The following KCNJ6 variants were observed in gnomAD, a reference collection of about 807,000 sequenced individuals.
KCNJ6 encodes G protein-activated inward rectifier potassium channel 2.
KCNJ6 carries 9 observed loss-of-function variants against 34.2 expected under a neutral mutation model. The ratio of observed to expected loss-of-function variants is 0.26; its 90% CI spans 0.16 to 0.46. The LOEUF is 0.46. KCNJ6 is among the 20% of genes least tolerant of loss of function. The probability of loss-of-function intolerance (pLI) is 1.00; values close to 1 mark genes in which losing one functional copy is unlikely to be tolerated. For synonymous variants in KCNJ6, 196 were observed against 207.1 expected, an observed-to-expected ratio of 0.95 and a Z score of 0.46; for missense variants, 236 against 531.3, an observed-to-expected ratio of 0.44 and a Z score of 5.46.
intron 1 of KCNJ6, among the ~76,000 whole-genome samples, chr21:37,883,411 T>G (rs1043111070): frequency 7.2e-5 from 11 of 152,168 alleles, no homozygotes; most frequent in African/African-American, 2.7e-4. Context: ...AGATTACCCC[T>G]TTTAGCCCCA....
chr21:37,643,141 C>G (rs1156719144), intron 3 of KCNJ6, among the ~76,000 whole-genome samples: 1 of 152,166 alleles, frequency 6.6e-6, no homozygotes, highest in African/African-American at 2.4e-5. Context: ...TTTCATGGAT[C>G]TATGGGCTCC....
chr21:37,667,124 G>A (rs993417638), intron 3 of KCNJ6, among the ~76,000 whole-genome samples: 4 of 110,902 alleles, frequency 3.6e-5, no homozygotes, highest in Admixed American at 1.2e-4. Context: ...CCCCCTCTCC[G>A]AGAAACACCC....
Position 37,714,113 on chromosome 21 carries a change from A to C in KCNJ6, c.946+98T>G. On this transcript the variant is annotated intron_variant, in intron 3 of 3. Transcript: ENST00000609713. The surrounding 1 kb of genome is among the most constrained non-coding windows in gnomAD (Gnocchi z 5.9). The stretch of plus-strand genomic sequence containing the variant: ...AAGGGGATGTTGTCAATATTGAGTG[A>C]GGTTCAGTATTCTAGATCTTGTAAT... 2 of 843,704 alleles carry C rather than the reference A, an allele frequency of 2.4e-6. No homozygotes were observed. Among genetic ancestry groups the C allele is most frequent in the African/African-American group, 3.4e-5 (2 of 59,060 alleles). 52.3% of individuals were successfully genotyped at this position (843,704 alleles called of 1,614,324 possible). A position where few individuals can be genotyped will look rare whatever the true frequency, so the allele number is the denominator to read the frequency against.
At chr21:37,666,449 A>C (rs1353915602) in intron 3 of KCNJ6, among the ~76,000 whole-genome samples, 1 of 152,006 alleles carries the variant, frequency 6.6e-6, no homozygotes, top group Non-Finnish European at 1.5e-5. Flanking sequence ...TCAGCAAGTC[A>C]CCTTGCCTCT....
At chr21:37,809,490 C>T (rs1377020985) in intron 2 of KCNJ6, among the ~76,000 whole-genome samples, 1 of 151,742 alleles carries the variant, frequency 6.6e-6, no homozygotes, top group Non-Finnish European at 1.5e-5. Context: ...CAAACCTGCA[C>T]ATTGTGCACA....
intron 3 of KCNJ6, among the ~76,000 whole-genome samples, chr21:37,652,619 C>A (rs1442246338): frequency 6.6e-6 from 1 of 152,064 alleles, no homozygotes; most frequent in Non-Finnish European, 1.5e-5. Flanking sequence ...TAGGGTGAGG[C>A]TATTCTGGAT....
intron 2 of KCNJ6, among the ~76,000 whole-genome samples, chr21:37,756,460 G>A (rs1382187058): frequency 2.6e-5 from 4 of 152,210 alleles, no homozygotes; most frequent in African/African-American, 7.2e-5. Context: ...CAGTCTGGGT[G>A]AGGGGTCCAA....
At chr21:37,824,608 T>C (rs1043950944) in intron 2 of KCNJ6, among the ~76,000 whole-genome samples, 3 of 152,026 alleles carry the variant, frequency 2.0e-5, no homozygotes, top group Admixed American at 2.0e-4. Context: ...ATGGGGGCAT[T>C]TTCCCCCAAG....
chr21:37,814,487 T>G (rs772862699), intron 2 of KCNJ6, among the ~76,000 whole-genome samples: 11 of 152,192 alleles, frequency 7.2e-5, no homozygotes, highest in Non-Finnish European at 1.5e-4. Flanking sequence ...TGATCAATGT[T>G]TATTACAGCA....
intron 2 of KCNJ6, among the ~76,000 whole-genome samples, chr21:37,734,084 A>C (rs1351211951): frequency 1.3e-5 from 2 of 152,200 alleles, no homozygotes; most frequent in Non-Finnish European, 2.9e-5. Context: ...AATTTGTTTG[A>C]GTCATCCTGT....
chr21:37,632,984 T>C (rs2054340556), intron 3 of KCNJ6, among the ~76,000 whole-genome samples: 1 of 151,986 alleles, frequency 6.6e-6, no homozygotes, highest in African/African-American at 2.4e-5. Context: ...ACTCATTCTA[T>C]AAGGCAAATA....
intron 2 of KCNJ6, among the ~76,000 whole-genome samples, chr21:37,771,849 T>C (rs1013916091): frequency 6.6e-6 from 1 of 152,176 alleles, no homozygotes; most frequent in Non-Finnish European, 1.5e-5. Flanking sequence ...GTCTGAGATG[T>C]GGTGTTGAAG....
At chr21:37,765,063 T>C (rs2055084352) in intron 2 of KCNJ6, among the ~76,000 whole-genome samples, 1 of 152,174 alleles carries the variant, frequency 6.6e-6, no homozygotes, top group African/African-American at 2.4e-5. Flanking sequence ...AATTAAATTA[T>C]ATAAACTTAA....
intron 3 of KCNJ6, among the ~76,000 whole-genome samples, chr21:37,662,313 C>T (rs2054493247): frequency 6.6e-6 from 1 of 152,136 alleles, no homozygotes; most frequent in Admixed American, 6.5e-5. Flanking sequence ...TCCATGTGTT[C>T]TCATTGTTCA....
At chr21:37,775,335 G>T (rs577598485) in intron 2 of KCNJ6, among the ~76,000 whole-genome samples, 1 of 152,284 alleles carries the variant, frequency 6.6e-6, no homozygotes, top group East Asian at 1.9e-4. Flanking sequence ...CTTTTGCTGT[G>T]CAGAAGCTCT....
chr21:37,819,375 T>C (rs2055363108), intron 2 of KCNJ6, among the ~76,000 whole-genome samples: 1 of 152,240 alleles, frequency 6.6e-6, no homozygotes, highest in Non-Finnish European at 1.5e-5. Context: ...TTAGACTTTT[T>C]AACTCCTGGT....
At chr21:37,636,562 A>G (rs1347011977) in intron 3 of KCNJ6, among the ~76,000 whole-genome samples, 1 of 152,202 alleles carries the variant, frequency 6.6e-6, no homozygotes, top group Non-Finnish European at 1.5e-5. Flanking sequence ...TTCATTCCCA[A>G]TAAGACCATG....
intron 2 of KCNJ6, among the ~76,000 whole-genome samples, chr21:37,770,588 TA>T (rs2055113341): frequency 1.3e-5 from 2 of 152,122 alleles, no homozygotes; most frequent in African/African-American, 4.8e-5. Context: ...AATGGAAAAT[TA>T]TAAAGCTGTC....
intron 2 of KCNJ6, among the ~76,000 whole-genome samples, chr21:37,743,558 A>G (rs13048511): frequency 0.42 from 63,915 of 151,848 alleles, 13,843 homozygotes; most frequent in South Asian, 0.6. Flanking sequence ...TGGGCTCCTC[A>G]TAAGAGAATG....
Sources: allele counts gnomAD v4.1 joint callset (sites outside exome capture counted in the v4.1 genomes callset), GRCh38; gene constraint gnomAD v4.1.1; non-coding constraint Gnocchi (gnomAD v3.1); transcripts MANE v1.5; gene names NCBI Gene and HGNC (gene_info 2026-07-23, HGNC 2026-07-21).